NLRP7: variants seen among roughly 807,000 people sequenced by gnomAD.
The protein encoded by NLRP7 is NLR family pyrin domain containing 7, also known as NACHT, LRR and PYD domains-containing protein 7.
NLRP7 carries 72 observed loss-of-function variants against 85.5 expected under a neutral mutation model. The ratio of observed to expected loss-of-function variants is 0.84; its 90% CI spans 0.70 to 1.02. The LOEUF (loss-of-function observed/expected upper bound fraction) is 1.02. Among genes scored for constraint, NLRP7 ranks in the 50% least tolerant of loss-of-function variants. The pLI, the probability that NLRP7 is intolerant of heterozygous loss-of-function variation, is 0.00. For synonymous variants in NLRP7, 550 were observed against 505.2 expected, an observed-to-expected ratio of 1.09 and a Z score of -1.19; for missense variants, 1,243 against 1,219.5, an observed-to-expected ratio of 1.02 and a Z score of -0.29.
chr19:54,934,647 G>C lies in NLRP7; in HGVS notation c.2313C>G (p.His771Gln), dbSNP rs779586672. ...CAGCCCACTGCTCCGGGGTGGCACA[G>C]TGACCTCCCAACCTGTGAAAAGAGT... The change falls in exon 7 of 10, where the codon CAC becomes CAG. Residue 771 changes from histidine (H) to glutamine (Q), a missense_variant. By Grantham distance (24) the His-to-Gln change is conservative. Transcript: ENST00000340844. This position sits in a 1 kb window ranked among gnomAD's most constrained non-coding sequence, Gnocchi z 6.7. The C allele has an allele frequency of 8.7e-6, 14 of 1,613,456 alleles. No individual in the cohort carries two copies. The highest frequency in any genetic ancestry group is 1.1e-5 in the Non-Finnish European group (13 of 1,179,738).
intron 1 of NLRP7, among the ~76,000 whole-genome samples, chr19:54,963,803 G>A (rs1234378787): frequency 1.3e-5 from 2 of 149,196 alleles, no homozygotes; most frequent in South Asian, 2.1e-4. Context: ...CAGCCCGGGC[G>A]ACAGTGCCAG....
chr19:54,927,892 G>A, intron 9 of NLRP7, 117 bp from the exon 10 acceptor site: 2 of 859,884 alleles, frequency 2.3e-6, no homozygotes, highest in Non-Finnish European at 3.9e-6. Context: ...AGGTGTTCGA[G>A]ACCAGCCTTG....
chr19:54,936,286 G>C, exon 6 of NLRP7: 1 of 1,613,760 alleles, frequency 6.2e-7, no homozygotes, highest in Non-Finnish European at 8.5e-7. Flanking sequence ...TTGCATTTAT[G>C]ATTTCTGAGC....
chr19:54,939,783 C>A lies in NLRP7; in HGVS notation c.1036G>T (p.Ala346Ser), dbSNP rs1267987658. Residue 346 changes from alanine to serine, a missense_variant, in exon 4 of 10, where the codon GCC becomes TCC. Transcript: ENST00000340844. ...GCGTTGCTCCTCATTAGCTCAAAGG[C>A]ACGCATGGCTTGGTCCTCGTCTCCA... 2.5e-6 allele frequency: 4 copies of A among 1,613,846 alleles called. No individual in the cohort carries two copies. In the Admixed American group the frequency reaches 6.7e-5, roughly 27 times the overall value.
chr19:54,940,825 T>TAAA, intron 3 of NLRP7, 106 bp downstream of exon 3: 1 of 753,264 alleles, frequency 1.3e-6, no homozygotes, highest in Non-Finnish European at 2.3e-6. Flanking sequence ...AGATTCCGTC[T>TAAA]CAAAAAAAAA....
At chr19:54,938,007 G>A (rs776921839) in intron 5 of NLRP7, 37 bp downstream of exon 5, 14 of 1,508,500 alleles carry the variant, frequency 9.3e-6, no homozygotes, top group African/African-American at 1.4e-5. Flanking sequence ...CTTAGTCATC[G>A]TTCAGGGTCT....
intron 1 of NLRP7, among the ~76,000 whole-genome samples, chr19:54,962,785 G>C (rs1024094565): frequency 6.6e-6 from 1 of 150,502 alleles, no homozygotes; most frequent in South Asian, 2.1e-4. Context: ...ATTTTTAGTA[G>C]AGACGGGGTT....
intron 1 of NLRP7, among the ~76,000 whole-genome samples, chr19:54,961,422 C>T (rs375089432): frequency 2.0e-5 from 3 of 151,814 alleles, no homozygotes; most frequent in African/African-American, 7.3e-5. Flanking sequence ...CACTTGAACC[C>T]GGGAGGCAGA....
intron 9 of NLRP7, among the ~76,000 whole-genome samples, chr19:54,925,796 C>A (rs561747031): frequency 6.6e-6 from 1 of 151,822 alleles, no homozygotes; most frequent in Non-Finnish European, 1.5e-5. Flanking sequence ...GTCAGGAATT[C>A]GAGACCAGCC....
intron 1 of NLRP7, among the ~76,000 whole-genome samples, chr19:54,962,647 T>A (rs755860747): frequency 3.3e-4 from 50 of 151,526 alleles, no homozygotes; most frequent in East Asian, 2.2e-3. Flanking sequence ...TCACCCAGGC[T>A]GGAGTGCAGT....
chr19:54,941,153 G>A, intron 2 of NLRP7, 148 bp from the exon 3 acceptor site: 3 of 754,686 alleles, frequency 4.0e-6, no homozygotes, highest in Non-Finnish European at 7.1e-6. Context: ...CACAAGGTCA[G>A]GAGATCAAGA....
chr19:54,960,708 G>C (rs1262143540), intron 1 of NLRP7, among the ~76,000 whole-genome samples: 1 of 151,820 alleles, frequency 6.6e-6, no homozygotes, highest in Non-Finnish European at 1.5e-5. Context: ...CCATTCTCCT[G>C]CCTCAGCCTC....
intron 9 of NLRP7, among the ~76,000 whole-genome samples, chr19:54,925,147 C>G (rs886414038): frequency 6.6e-6 from 1 of 152,040 alleles, no homozygotes; most frequent in Non-Finnish European, 1.5e-5. Flanking sequence ...CTCAAACAAT[C>G]CTCCCACCTT....
At chr19:54,926,217 T>TGTGTGTGTGTGTGTGTGTGTGTGTGC (rs1010066192) in intron 9 of NLRP7, among the ~76,000 whole-genome samples, 26 of 150,860 alleles carry the variant, frequency 1.7e-4, no homozygotes, top group Admixed American at 1.6e-3. Flanking sequence ...TGTGTGTGTG[T>TGTGTGTGTGTGTGTGTGTGTGTGTGC]GTGTGTGTGT....
At chr19:54,937,325 A>G (rs977208385) in intron 5 of NLRP7, among the ~76,000 whole-genome samples, 7 of 151,986 alleles carry the variant, frequency 4.6e-5, no homozygotes, top group Admixed American at 4.6e-4. Flanking sequence ...CCTATGACAC[A>G]CGGTTACCTG....
chr19:54,939,966 T>G (rs1235097913), exon 4 of NLRP7: 1 of 1,613,992 alleles, frequency 6.2e-7, no homozygotes, highest in Non-Finnish European at 8.5e-7. Flanking sequence ...TTCAGCAAAC[T>G]CCCCAGGAGG....
In NLRP7 at chr19:54,934,520, T is replaced by G; in HGVS notation, c.2440A>C (p.Thr814Pro). ...ATCTGCAGGAAGTGTTTTGGGCGTGTCATGGTCTTGTACAGCAACATGGCA... is the reference window on the plus strand; with the variant it reads ...ATCTGCAGGAAGTGTTTTGGGCGTGGCATGGTCTTGTACAGCAACATGGCA... The change falls in exon 7 of 10, where the codon ACA becomes CCA. Residue 814 changes from threonine to proline, a missense_variant. Around this residue, in one of 3 missense-constraint regions of NLRP7, gnomAD observed 613 missense variants for 588.4 expected, o/e 1.04. Coordinates refer to ENST00000340844, the Ensembl canonical transcript of NLRP7. This position sits in a 1 kb window ranked among gnomAD's most constrained non-coding sequence, Gnocchi z 6.7. 6.2e-7 allele frequency: 1 copy of G among 1,614,162 alleles called. No individual in the cohort carries two copies. Among genetic ancestry groups the G allele is most frequent in the East Asian group, 2.2e-5 (1 of 44,882 alleles).
At chr19:54,925,811 C>T (rs912502180) in intron 9 of NLRP7, among the ~76,000 whole-genome samples, 1 of 151,988 alleles carries the variant, frequency 6.6e-6, no homozygotes, top group Non-Finnish European at 1.5e-5. Flanking sequence ...CCAGCCTGGC[C>T]AACATAGTGA....
chr19:54,938,774 G>T, intron 4 of NLRP7, 114 bp downstream of exon 4: 1 of 1,172,268 alleles, frequency 8.5e-7, no homozygotes, highest in Non-Finnish European at 1.3e-6. Context: ...TCTCCACGTT[G>T]AACATGAAGC....
Sources: allele counts gnomAD v4.1 joint callset (sites outside exome capture counted in the v4.1 genomes callset), GRCh38; gene constraint gnomAD v4.1.1; regional missense constraint gnomAD v4.1.1; non-coding constraint Gnocchi (gnomAD v3.1); transcripts MANE v1.5; gene names NCBI Gene and HGNC (gene_info 2026-07-23, HGNC 2026-07-21).